CPA6: variants seen among roughly 807,000 people sequenced by gnomAD.
The protein encoded by CPA6 is carboxypeptidase B.
A neutral mutation model predicts 63.3 loss-of-function variants in CPA6; 58 were observed. The ratio of observed to expected loss-of-function variants is 0.92; its 90% CI spans 0.74 to 1.14. The LOEUF (loss-of-function observed/expected upper bound fraction) is 1.14. Ranked by LOEUF, CPA6 falls within the 50% of genes most tolerant of loss-of-function variation. CPA6 has a pLI of 0.00. For missense variants in CPA6, 565 were observed against 526.6 expected (o/e 1.07, Z -0.71); for synonymous variants, 185 against 179.0 (o/e 1.03, Z -0.27).
intron 8 of CPA6, among the ~76,000 whole-genome samples, chr8:67,475,844 TTTC>T (rs1389184200): frequency 4.4e-4 from 41 of 92,474 alleles, no homozygotes; most frequent in African/African-American, 1.2e-3. Flanking sequence ...TCTTTCTTTC[TTTC>T]TTTCTTTCTT....
intron 2 of CPA6, among the ~76,000 whole-genome samples, chr8:67,545,722 C>A (rs757868350): frequency 1.3e-5 from 2 of 151,926 alleles, no homozygotes; most frequent in African/African-American, 2.4e-5. Context: ...GCCACCACGC[C>A]CAGCTAATTT....
chr8:67,587,768 T>C (rs1364910016), intron 2 of CPA6, among the ~76,000 whole-genome samples: 2 of 152,136 alleles, frequency 1.3e-5, no homozygotes, highest in Non-Finnish European at 2.9e-5. Flanking sequence ...TTACTAATTG[T>C]GTAAAGACAT....
rs750417027 is a variant in CPA6, at chr8:67,545,580, T to TTTTTTTTTTTTTTTTTTTG, written c.193-27534_193-27533insCAAAAAAAAAAAAAAAAAA. Among the ~76,000 whole-genome samples the TTTTTTTTTTTTTTTTTTTG allele has an allele frequency of 5.6e-5, 7 of 125,634 alleles. 1 individual carries two copies. The highest frequency in any genetic ancestry group is 2.4e-4 in the East Asian group (1 of 4,102). 82.4% of individuals were successfully genotyped at this position (125,634 alleles called of 152,430 possible). A position where few individuals can be genotyped will look rare whatever the true frequency, so the allele number is the denominator to read the frequency against. ...TACTGTTACTTTTTTTTTTTTTTTT[T>TTTTTTTTTTTTTTTTTTTG]TTTTGAGATGGAGTTTTGCTCTTGT... On this transcript the variant is annotated intron_variant, in intron 2 of 10. Coordinates refer to ENST00000297770, the MANE Select transcript of CPA6 (RefSeq NM_020361.5).
Position 67,455,663 on chromosome 8 carries a change from C to CAA in CPA6, c.839-21425_839-21424dup, listed in dbSNP as rs552041509. 5.3e-3 allele frequency among the ~76,000 whole-genome samples: 161 copies of CAA among 30,234 alleles called. 12 individuals are homozygous for CAA. The highest frequency in any genetic ancestry group is 0.02 in the African/African-American group (128 of 6,390). 19.8% of individuals were successfully genotyped at this position (30,234 alleles called of 152,430 possible). ...TAGTGAAGCCCCTTCTCTACAAAAG[C>CAA]AAAAAAAAAAAAAAAAAAAAAAAAA... On this transcript the variant is annotated intron_variant, in intron 8 of 10. Transcript: ENST00000297770.
At chr8:67,609,211 A>G (rs559065225) in intron 2 of CPA6, among the ~76,000 whole-genome samples, 14 of 152,296 alleles carry the variant, frequency 9.2e-5, no homozygotes, top group Non-Finnish European at 2.1e-4. Context: ...CTGTTTTATT[A>G]AAGTTACCTG....
Position 67,493,728 on chromosome 8 carries a change from C to T in CPA6, c.637-8939G>A, listed in dbSNP as rs80004809. On this transcript the variant is annotated intron_variant, in intron 6 of 10. Coordinates refer to ENST00000297770, the MANE Select transcript of CPA6 (RefSeq NM_020361.5). ...GGTTTCACATTACATAGACAGCAGA[C>T]GAATATTGTGGCTCACTTGGAGAAC... Among the ~76,000 whole-genome samples, 1,190 of 152,172 alleles carry T rather than the reference C, an allele frequency of 7.8e-3. 14 individuals carry two copies. Among genetic ancestry groups the T allele is most frequent in the African/African-American group, 0.027 (1,130 of 41,506 alleles).
intron 1 of CPA6, among the ~76,000 whole-genome samples, chr8:67,697,831 G>A (rs542028796): frequency 4.6e-5 from 7 of 151,988 alleles, no homozygotes; most frequent in African/African-American, 1.7e-4. Context: ...ACTGATATGT[G>A]TATTAAACTG....
At chr8:67,491,360 GA>G (rs953935770) in intron 6 of CPA6, among the ~76,000 whole-genome samples, 6 of 151,282 alleles carry the variant, frequency 4.0e-5, no homozygotes, top group African/African-American at 1.5e-4. Context: ...CTTCATAAAT[GA>G]AGGGTGAAAA....
chr8:67,498,888 A>G (rs1811776764), intron 6 of CPA6, among the ~76,000 whole-genome samples: 2 of 152,234 alleles, frequency 1.3e-5, no homozygotes, highest in South Asian at 4.1e-4. Context: ...GCAAACAGAA[A>G]GGTGATGGCT....
At chr8:67,688,804 C>T (rs1392046297) in intron 1 of CPA6, among the ~76,000 whole-genome samples, 1 of 152,120 alleles carries the variant, frequency 6.6e-6, no homozygotes, top group Non-Finnish European at 1.5e-5. Context: ...TCCCTAGAAG[C>T]AGCTCTTATG....
chr8:67,529,249 G>C (rs749162404), intron 2 of CPA6, among the ~76,000 whole-genome samples: 1 of 152,040 alleles, frequency 6.6e-6, no homozygotes, highest in Non-Finnish European at 1.5e-5. Flanking sequence ...CTTTATCTTT[G>C]ATTAAACAAG....
chr8:67,717,929 C>T (rs990844149), intron 1 of CPA6, among the ~76,000 whole-genome samples: 6 of 152,104 alleles, frequency 3.9e-5, no homozygotes, highest in African/African-American at 1.2e-4. Flanking sequence ...GGAATATGGC[C>T]CTGTTGACAC....
intron 8 of CPA6, among the ~76,000 whole-genome samples, chr8:67,466,097 T>TC (rs1447385086): frequency 1.3e-5 from 2 of 151,438 alleles, no homozygotes; most frequent in Non-Finnish European, 2.9e-5. Context: ...TTTTTTTTTT[T>TC]TTTTTTGGTA....
chr8:67,686,562 C>T (rs906922442), intron 1 of CPA6, among the ~76,000 whole-genome samples: 9 of 152,178 alleles, frequency 5.9e-5, no homozygotes, highest in South Asian at 2.1e-4. Flanking sequence ...CCCAGATGAC[C>T]GCAAACCCAT....
chr8:67,513,759 G>C (rs1273538228), intron 3 of CPA6, among the ~76,000 whole-genome samples: 1 of 152,142 alleles, frequency 6.6e-6, no homozygotes, highest in East Asian at 1.9e-4. Flanking sequence ...CGATGACAAG[G>C]CTGTGAAATG....
At chr8:67,707,723 A>T (rs906509977) in intron 1 of CPA6, among the ~76,000 whole-genome samples, 2 of 152,164 alleles carry the variant, frequency 1.3e-5, no homozygotes, top group African/African-American at 4.8e-5. Context: ...CCTGGCCAAC[A>T]TGGTGAAACC....
chr8:67,722,037 A>AT (rs1430537163), intron 1 of CPA6, among the ~76,000 whole-genome samples: 4 of 152,154 alleles, frequency 2.6e-5, no homozygotes, highest in African/African-American at 9.7e-5. Context: ...CCTCACTTAC[A>AT]TTTTTTGTAT....
intron 2 of CPA6, among the ~76,000 whole-genome samples, chr8:67,616,538 TGTGTG>T (rs1197589821): frequency 1.3e-5 from 2 of 150,814 alleles, no homozygotes; most frequent in African/African-American, 4.9e-5. Context: ...TGTGTGTGTG[TGTGTG>T]TGTGTGTGTT....
chr8:67,541,070 C>T (rs1812693576), intron 2 of CPA6, among the ~76,000 whole-genome samples: 1 of 152,060 alleles, frequency 6.6e-6, no homozygotes, highest in African/African-American at 2.4e-5. Flanking sequence ...CACTGGCATT[C>T]CAGGTGCCAC....
Sources: gnomAD v4.1 joint callset for allele counts (sites outside exome capture counted in the v4.1 genomes callset) on GRCh38, gnomAD v4.1.1 for gene constraint, MANE v1.5 for transcripts, NCBI Gene and HGNC (gene_info 2026-07-23, HGNC 2026-07-21) for gene names.